CEP135: variants seen among roughly 807,000 people sequenced by gnomAD.
CEP135 encodes centrosomal protein of 135 kDa.
In CEP135, 142 loss-of-function variants were observed where a neutral mutation model predicts 157.3. That is an observed-to-expected ratio of 0.90 (90% CI 0.79 to 1.04). The LOEUF (loss-of-function observed/expected upper bound fraction) is 1.04. Among genes scored for constraint, CEP135 ranks in the 50% least tolerant of loss-of-function variants. The pLI, the probability that CEP135 is intolerant of heterozygous loss-of-function variation, is 0.00. For synonymous variants in CEP135, 396 were observed against 439.8 expected, an observed-to-expected ratio of 0.90 and a Z score of 1.25; for missense variants, 1,317 against 1,309.2, an observed-to-expected ratio of 1.01 and a Z score of -0.09.
At chr4:56,003,477 GGATTAGAGGTGT>G (rs1560417930) in intron 17 of CEP135, among the ~76,000 whole-genome samples, 1 of 152,110 alleles carries the variant, frequency 6.6e-6, no homozygotes, top group Non-Finnish European at 1.5e-5. Flanking sequence ...CAAAGTGCTG[GGATTAGAGGTGT>G]GAGCCACTGT....
intron 17 of CEP135, among the ~76,000 whole-genome samples, chr4:56,005,783 C>T (rs1730329771): frequency 2.0e-5 from 3 of 151,978 alleles, no homozygotes; most frequent in East Asian, 1.9e-4. Flanking sequence ...TATGCCTGTT[C>T]GTGGTGAATT....
chr4:55,954,339 A>T lies in CEP135; in HGVS notation c.428A>T (p.Gln143Leu). 1 of 1,608,636 alleles carries T rather than the reference A, an allele frequency of 6.2e-7. No homozygotes were observed. The highest frequency in any genetic ancestry group is 1.3e-5 in the African/African-American group (1 of 74,806). ...KESKAKNERI[Q>L]QLQEKNLHAV... is the part of the protein sequence containing the mutation. ...AGCAAAGCTAAGAATGAAAGAATTC[A>T]ACAACTTCAAGAAAAGAATTTGCAT... Residue 143 changes from glutamine (Q) to leucine (L), a missense_variant, in exon 4 of 26, where the codon CAA becomes CTA. By Grantham distance (113) the Gln-to-Leu change is moderately radical. Transcript: ENST00000257287.
At chr4:56,014,572 T>C (rs1226371511) in intron 21 of CEP135, among the ~76,000 whole-genome samples, 2 of 152,214 alleles carry the variant, frequency 1.3e-5, no homozygotes, top group African/African-American at 2.4e-5. Context: ...TACGGTCTAC[T>C]GTTGGGAGAA....
In CEP135 at chr4:56,009,833, C is replaced by T. The variant is rs202214171; in HGVS notation, c.2435C>T (p.Ser812Phe). The T allele has an allele frequency of 6.6e-5, 106 of 1,613,930 alleles. No homozygotes were observed. Among genetic ancestry groups the T allele is most frequent in the Non-Finnish European group, 8.8e-5 (104 of 1,180,008 alleles). ...AAAGAACTCGATGAAGTAGGAAGAT[C>T]TAGAGAAATCGCTTTTAAGGAAAAC... is the stretch of plus-strand genomic sequence containing the variant. ...AHKELDEVGR[S>F]REIAFKENRR... Residue 812 changes from serine to phenylalanine, a missense_variant, in exon 19 of 26, where the codon TCT becomes TTT. Transcript: ENST00000257287.
intron 21 of CEP135, among the ~76,000 whole-genome samples, chr4:56,012,369 A>C (rs1230967348): frequency 6.6e-6 from 1 of 152,192 alleles, no homozygotes; most frequent in Non-Finnish European, 1.5e-5. Flanking sequence ...AAGATACTTT[A>C]TTGACCTGAG....
Position 56,009,891 on chromosome 4 carries a change from A to G in CEP135, c.2493A>G (p.Ala831=), listed in dbSNP as rs1372833325. Reference sequence around the variant, plus strand: ...TGCAAGATGACCTGGCTACAATGGCAAGAGAAAATCAAGTATGAACACAAG... The same window carrying G: ...TGCAAGATGACCTGGCTACAATGGCGAGAGAAAATCAAGTATGAACACAAG... The part of the protein sequence containing the change: ...RRLQDDLATM[A]RENQEISLEL... Residue 831 remains alanine, a synonymous_variant, in exon 19 of 26, where the codon GCA becomes GCG. Coordinates refer to ENST00000257287, the MANE Select transcript of CEP135 (RefSeq NM_025009.5). 1 of 1,613,066 alleles carries G rather than the reference A, an allele frequency of 6.2e-7. No homozygotes were observed. The highest frequency in any genetic ancestry group is 1.1e-5 in the South Asian group (1 of 90,616).
intron 7 of CEP135, 144 bp from the exon 8 acceptor site, chr4:55,965,500 A>G: frequency 1.7e-6 from 1 of 598,410 alleles, no homozygotes; most frequent in Admixed American, 3.3e-5. Flanking sequence ...TGTAAATAAC[A>G]ATATAAATTT....
intron 25 of CEP135, among the ~76,000 whole-genome samples, chr4:56,030,651 C>T (rs938703904): frequency 6.6e-6 from 1 of 151,916 alleles, no homozygotes; most frequent in African/African-American, 2.4e-5. Context: ...TACTGGGTCT[C>T]ACTATGTTGT....
At chr4:55,974,674 A>T (rs2109673965) in intron 10 of CEP135, 72 bp from the exon 11 acceptor site, 2 of 1,095,772 alleles carry the variant, frequency 1.8e-6, no homozygotes, top group South Asian at 1.6e-5. Flanking sequence ...AAAAGTTATT[A>T]ATATAATTTA....
intron 6 of CEP135, among the ~76,000 whole-genome samples, chr4:55,964,048 G>A (rs980274734): frequency 1.3e-5 from 2 of 152,162 alleles, no homozygotes; most frequent in Non-Finnish European, 2.9e-5. Flanking sequence ...AATCTATGTA[G>A]TAAAAATACA....
chr4:55,980,764 C>G (rs970498280), intron 12 of CEP135, among the ~76,000 whole-genome samples: 3 of 152,180 alleles, frequency 2.0e-5, no homozygotes, highest in Non-Finnish European at 4.4e-5. Flanking sequence ...CAAGGTAAGT[C>G]TGAGCAAAGC....
rs1207660511 is a variant in CEP135 at position 56,011,878 on chromosome 4, C to A, written c.2695C>A (p.Gln899Lys). 1 of 1,607,386 alleles carries A rather than the reference C, an allele frequency of 6.2e-7. No individual in the cohort carries two copies. Residue 899 changes from glutamine (Q) to lysine (K), a missense_variant, in exon 21 of 26, where the codon CAA (glutamine) becomes AAA (lysine). By Grantham distance (53) the Gln-to-Lys change is moderately conservative. Coordinates refer to ENST00000257287, the MANE Select transcript of CEP135 (RefSeq NM_025009.5). ...TGAAGACTGGGAGGTCAAAGCCCATCAAGCTGAGGGAGAAAGCAGCTCAGT... is the reference window on the plus strand; with the variant it reads ...TGAAGACTGGGAGGTCAAAGCCCATAAAGCTGAGGGAGAAAGCAGCTCAGT... Reference protein sequence around the residue: ...RAEDWEVKAHQAEGESSSVRL... With the variant: ...RAEDWEVKAHKAEGESSSVRL...
chr4:55,977,920 A>G (rs1729275851), intron 11 of CEP135, among the ~76,000 whole-genome samples: 1 of 152,212 alleles, frequency 6.6e-6, no homozygotes, highest in Admixed American at 6.5e-5. Flanking sequence ...AGCTAGGGTC[A>G]GTTCAGAAGA....
At chr4:56,016,606 A>G (rs1047613988) in intron 21 of CEP135, among the ~76,000 whole-genome samples, 2 of 152,164 alleles carry the variant, frequency 1.3e-5, no homozygotes, top group Non-Finnish European at 2.9e-5. Flanking sequence ...AAAAAATCTA[A>G]ATACTTTTCT....
chr4:56,025,946 C>A lies in CEP135; in HGVS notation c.*11+1332C>A, dbSNP rs185491085. ...AATAGGCCAGGCACGGTGGCTCACA[C>A]CTCTGTAATCCCAGCACTTTGGGAG... On this transcript the variant is annotated intron_variant, in intron 25 of 25. Transcript: ENST00000257287. Among the ~76,000 whole-genome samples the A allele has an allele frequency of 3.5e-4, 53 of 151,036 alleles. No individual in the cohort carries two copies. In the East Asian group the frequency reaches 8.9e-3, roughly 25 times the overall value.
chr4:56,006,450 T>C (rs184642209), intron 17 of CEP135, among the ~76,000 whole-genome samples: 273 of 152,220 alleles, frequency 1.8e-3, no homozygotes, highest in African/African-American at 6.1e-3. Flanking sequence ...TCAACCTCTT[T>C]GTTAAATTTC....
At chr4:56,013,834 A>G (rs1170798062) in intron 21 of CEP135, among the ~76,000 whole-genome samples, 1 of 152,228 alleles carries the variant, frequency 6.6e-6, no homozygotes, top group Non-Finnish European at 1.5e-5. Flanking sequence ...TTATTTGGAA[A>G]AAGTGTCTTT....
chr4:56,020,910 T>G, intron 24 of CEP135, 130 bp downstream of exon 24: 2 of 610,456 alleles, frequency 3.3e-6, no homozygotes, highest in Non-Finnish European at 5.5e-6. Context: ...ATTTCTTTGG[T>G]AATTCTTCCT....
rs376309359 is a variant in CEP135, at chr4:56,019,496, C to A, written c.3156C>A (p.His1052Gln). The A allele has an allele frequency of 3.7e-6, 6 of 1,614,018 alleles. No homozygotes were observed. The Admixed American group carries it at 1.0e-4, about 27-fold the overall frequency. The change falls in exon 23 of 26, where the codon CAC becomes CAA. Residue 1052 changes from histidine to glutamine, a missense_variant. Physicochemically the swap from His to Gln is conservative, Grantham distance 24. Coordinates refer to ENST00000257287, the MANE Select transcript of CEP135 (RefSeq NM_025009.5). ...DKEFHSHLTS[H>Q]EKDTEIQLLK... ...AATTTCATTCTCACTTAACCTCCCA[C>A]GAGAAGGATACAGAAATCCAGCTAC... is the stretch of plus-strand genomic sequence containing the variant.
Sources: allele counts gnomAD v4.1 joint callset (sites outside exome capture counted in the v4.1 genomes callset), GRCh38; gene constraint gnomAD v4.1.1; transcripts MANE v1.5; gene names NCBI Gene and HGNC (gene_info 2026-07-23, HGNC 2026-07-21).